The following ALDH16A1 variants were observed in gnomAD, a reference collection of about 807,000 sequenced individuals.
ALDH16A1 encodes the protein aldehyde dehydrogenase family 16 member A1.
In ALDH16A1, 88 loss-of-function variants were observed where a neutral mutation model predicts 96.1. The ratio of observed to expected loss-of-function variants is 0.92; its 90% CI spans 0.77 to 1.09. ALDH16A1 has a LOEUF of 1.09. ALDH16A1 is among the 50% of genes least tolerant of loss of function. ALDH16A1 has a pLI of 0.00. For missense variants in ALDH16A1, 1,250 were observed against 1,112.6 expected (o/e 1.12, Z -1.76); for synonymous variants, 522 against 496.4 (o/e 1.05, Z -0.69).
At position 49,468,346 on chromosome 19, in the gene ALDH16A1, C is replaced by T; in HGVS notation, c.1939-35C>T. On this transcript the variant is annotated intron_variant, in intron 14 of 16. Coordinates refer to ENST00000293350, the MANE Select transcript of ALDH16A1 (RefSeq NM_153329.4). The surrounding 1 kb of genome is among the most constrained non-coding windows in gnomAD (Gnocchi z 4.4). The stretch of plus-strand genomic sequence containing the variant: ...TCTCTCATTTACTGCGGGCGGGGCT[C>T]CCCTGCCCCACACGTGACCCACCTG... 1 of 1,588,536 alleles carries T rather than the reference C, an allele frequency of 6.3e-7. No individual in the cohort carries two copies. The highest frequency in any genetic ancestry group is 8.5e-7 in the Non-Finnish European group (1 of 1,173,588).
rs981267096 is a variant in ALDH16A1 at position 49,461,987 on chromosome 19, A to T, written c.863A>T (p.Asp288Val). 4.5e-6 allele frequency: 7 copies of T among 1,549,580 alleles called. No homozygotes were observed. The African/African-American group carries it at 8.2e-5, about 18-fold the overall frequency. Residue 288 changes from aspartate (D) to valine (V), a missense_variant, in exon 7 of 17, where the codon GAC becomes GTC. Asp to Val is a radical substitution (Grantham distance 152). Coordinates refer to ENST00000293350, the MANE Select transcript of ALDH16A1 (RefSeq NM_153329.4). Reference protein sequence around the residue: ...LLLLTDTADVDSAVEGVVDAA... With the variant: ...LLLLTDTADVVSAVEGVVDAA... ...CTGCTGACGGACACGGCGGACGTAG[A>T]CTCGGCCGTGGAGGGTGTCGTGGAC...
chr19:49,469,148 A>C (rs1029533241), intron 16 of ALDH16A1, 162 bp downstream of exon 16: 21 of 1,075,138 alleles, frequency 2.0e-5, no homozygotes, highest in Admixed American at 2.9e-5. Flanking sequence ...CAAGTTACTA[A>C]GGAAGAGGCT....
At position 49,453,423 on chromosome 19, in the gene ALDH16A1, T is replaced by C. The variant is rs1162898984; in HGVS notation, c.90+2T>C. The stretch of plus-strand genomic sequence containing the variant: ...CCGGAGAGCCACGCATGCGCACTGG[T>C]GAGAGTCTGCCCGGCCGGCGCTGCT... On this transcript the variant is annotated splice_donor_variant, in intron 1 of 16. Coordinates refer to ENST00000293350, the MANE Select transcript of ALDH16A1 (RefSeq NM_153329.4). LOFTEE classifies it high-confidence loss of function. 6.5e-7 allele frequency: 1 copy of C among 1,539,876 alleles called. No homozygotes were observed. Among genetic ancestry groups the C allele is most frequent in the Non-Finnish European group, 8.8e-7 (1 of 1,142,226 alleles).
intron 10 of ALDH16A1, 40 bp from the exon 11 acceptor site, chr19:49,464,377 G>C (rs375627359): frequency 1.9e-6 from 3 of 1,568,616 alleles, no homozygotes; most frequent in Non-Finnish European, 2.6e-6. Flanking sequence ...GCCTGCCACC[G>C]TCTGTTTTCC....
intron 16 of ALDH16A1, 139 bp from the exon 17 acceptor site, chr19:49,470,166 TG>T: frequency 1.0e-6 from 1 of 1,002,242 alleles, no homozygotes; most frequent in South Asian, 1.6e-5. Context: ...AAGTTCTGCT[TG>T]GGAGGAGCTG....
At chr19:49,467,611 GTCTCGA>G (rs2079209740) in intron 14 of ALDH16A1, among the ~76,000 whole-genome samples, 1 of 147,076 alleles carries the variant, frequency 6.8e-6, no homozygotes, top group Non-Finnish European at 1.5e-5. Flanking sequence ...TGTTAGGATG[GTCTCGA>G]TCTCCTGACC....
chr19:49,454,444 C>T (rs2079093054), intron 1 of ALDH16A1, among the ~76,000 whole-genome samples: 1 of 152,038 alleles, frequency 6.6e-6, no homozygotes, highest in Admixed American at 6.5e-5. Context: ...CCCCTGAAGT[C>T]CTCGTGAGGG....
chr19:49,466,370 C>G (rs1011079554), intron 14 of ALDH16A1, 87 bp downstream of exon 14: 1 of 1,336,380 alleles, frequency 7.5e-7, no homozygotes, highest in East Asian at 2.7e-5. Context: ...GCTTGGAATT[C>G]GGGCCCAGCC....
chr19:49,468,576 C>G lies in ALDH16A1; in HGVS notation c.2124+10C>G. 2 of 1,600,744 alleles carry G rather than the reference C, an allele frequency of 1.2e-6. No individual in the cohort carries two copies. The highest frequency in any genetic ancestry group is 1.7e-6 in the Non-Finnish European group (2 of 1,178,492). ...CCTGGAGGTCTGCCAGGTATAGCCC[C>G]CTGCCTTCCTGCCTCTCCTCCCCGT... On this transcript the variant is annotated intron_variant, in intron 15 of 16. Transcript: ENST00000293350. The surrounding 1 kb of genome is among the most constrained non-coding windows in gnomAD (Gnocchi z 4.4).
rs1456151578 is a variant in ALDH16A1 at position 49,462,817 on chromosome 19, TG to T, written c.1098+65del. The stretch of plus-strand genomic sequence containing the variant: ...AGGAGGGGCCTGGAGACCCAGCTCC[TG>T]GGTCCAAGGGAGGAGGGAGCTGGGC... On this transcript the variant is annotated intron_variant, in intron 8 of 16. Transcript: ENST00000293350. 4 of 1,445,472 alleles carry T rather than the reference TG, an allele frequency of 2.8e-6. No homozygotes were observed. The African/African-American group carries it at 4.4e-5, about 16-fold the overall frequency. The allele number at this position is 1,445,472 out of a possible 1,614,324, so 89.5% of individuals were successfully genotyped here. A position where few individuals can be genotyped will look rare whatever the true frequency, so the allele number is the denominator to read the frequency against.
rs1317929940 is a variant in ALDH16A1 at position 49,470,526 on chromosome 19, C to T, written c.*59C>T. 2.1e-6 allele frequency: 3 copies of T among 1,439,604 alleles called. No homozygotes were observed. Among genetic ancestry groups the T allele is most frequent in the South Asian group, 1.5e-5 (1 of 68,678 alleles). The allele number at this position is 1,439,604 out of a possible 1,614,324, so 89.2% of individuals were successfully genotyped here. A position where few individuals can be genotyped will look rare whatever the true frequency, so the allele number is the denominator to read the frequency against. On this transcript the variant is annotated 3_prime_UTR_variant, in exon 17 of 17. Transcript: ENST00000293350. ...TCACACCAAGGGGAGATGCACCCCA[C>T]AGACACCTGGGACTTTCCCCTTCTG...
chr19:49,453,505 T>C, intron 1 of ALDH16A1, 84 bp downstream of exon 1: 1 of 1,284,466 alleles, frequency 7.8e-7, no homozygotes, highest in Non-Finnish European at 1.1e-6. Flanking sequence ...CGTCATCCAC[T>C]GCGGTAGCTC....
chr19:49,459,635 G>A lies in ALDH16A1; in HGVS notation c.321-35G>A, dbSNP rs62128062. The stretch of plus-strand genomic sequence containing the variant: ...CCAGGACTCTGCAAGGCTGAGGGCC[G>A]TTGGAAAATGAGCACCCTCTTGCTT... On this transcript the variant is annotated intron_variant, in intron 3 of 16. Transcript: ENST00000293350. The surrounding 1 kb of genome is among the most constrained non-coding windows in gnomAD (Gnocchi z 4.1). 474,127 of 1,573,552 alleles carry A rather than the reference G, an allele frequency of 0.3. 76,712 individuals carry two copies. The highest frequency in any genetic ancestry group is 0.34 in the Non-Finnish European group (392,592 of 1,160,202).
In ALDH16A1 at chr19:49,470,795, TGCACCA is replaced by T; in HGVS notation, c.*329_*334del. On this transcript the variant is annotated 3_prime_UTR_variant, in exon 17 of 17. Transcript: ENST00000293350. Reference sequence around the variant, plus strand: ...TCATATGTAGCTGGGGCCACAGACATGCACCACCACACCTGGCTCGAGGCCATTTTA... The same window carrying T: ...TCATATGTAGCTGGGGCCACAGACATCCACACCTGGCTCGAGGCCATTTTA... 2 of 215,978 alleles carry T rather than the reference TGCACCA, an allele frequency of 9.3e-6. No individual in the cohort carries two copies. The highest frequency in any genetic ancestry group is 1.3e-4 in the South Asian group (1 of 7,960). 13.4% of individuals were successfully genotyped at this position (215,978 alleles called of 1,614,324 possible).
chr19:49,458,671 T>TA, intron 2 of ALDH16A1, 83 bp downstream of exon 2: 1 of 1,425,042 alleles, frequency 7.0e-7, no homozygotes, highest in Admixed American at 2.0e-5. Context: ...TCCCCTTGCC[T>TA]AGGGCCCTGA....
chr19:49,456,005 A>C (rs1052850375), intron 1 of ALDH16A1, among the ~76,000 whole-genome samples: 1 of 152,236 alleles, frequency 6.6e-6, no homozygotes, highest in African/African-American at 2.4e-5. Flanking sequence ...GACAAAAGTC[A>C]TCTGGGACCA....
rs1440268337 is a variant in ALDH16A1, at chr19:49,470,367, G to A, written c.2309G>A (p.Gly770Asp). 4 of 1,613,130 alleles carry A rather than the reference G, an allele frequency of 2.5e-6. No homozygotes were observed. The highest frequency in any genetic ancestry group is 3.4e-6 in the Non-Finnish European group (4 of 1,179,778). Reference sequence around the variant, plus strand: ...CTCAAACCGGTGTGGGCGAGCAGGGGCTGCCCGCGGGCCTGGGACCAGGAG... The same window carrying A: ...CTCAAACCGGTGTGGGCGAGCAGGGACTGCCCGCGGGCCTGGGACCAGGAG... Reference protein sequence around the residue: ...GNLKPVWASRGCPRAWDQEAE... With the variant: ...GNLKPVWASRDCPRAWDQEAE... The change falls in exon 17 of 17, where the codon GGC becomes GAC. Residue 770 changes from glycine (G) to aspartate (D), a missense_variant. By Grantham distance (94) the Gly-to-Asp change is moderately conservative (BLOSUM62 -1). Transcript: ENST00000293350.
At chr19:49,453,446 G>A (rs748275500) in intron 1 of ALDH16A1, 25 bp downstream of exon 1, 39 of 1,509,624 alleles carry the variant, frequency 2.6e-5, no homozygotes, top group Non-Finnish European at 3.2e-5. Context: ...GGCCGGCGCT[G>A]CTCGCTGCGT....
In ALDH16A1 at chr19:49,468,159, C is replaced by CA. The variant is rs138585582; in HGVS notation, c.1939-207dup. On this transcript the variant is annotated intron_variant, in intron 14 of 16. Transcript: ENST00000293350. The surrounding 1 kb of genome is among the most constrained non-coding windows in gnomAD (Gnocchi z 4.4). ...AGGGCGACAGAGTGAGAGTCCGTCT[C>CA]AAAAAAAAAAAAAAAGAAAGGCGGT... 0.38 allele frequency: 154,792 copies of CA among 407,768 alleles called. 16,036 individuals carry two copies. Among genetic ancestry groups the CA allele is most frequent in the African/African-American group, 0.6 (24,694 of 41,104 alleles). 25.3% of individuals were successfully genotyped at this position (407,768 alleles called of 1,614,324 possible). A position where few individuals can be genotyped will look rare whatever the true frequency, so the allele number is the denominator to read the frequency against.
Sources: gnomAD v4.1 joint callset for allele counts (sites outside exome capture counted in the v4.1 genomes callset) on GRCh38, gnomAD v4.1.1 for gene constraint, Gnocchi (gnomAD v3.1) non-coding constraint, MANE v1.5 for transcripts, NCBI Gene and HGNC (gene_info 2026-07-23, HGNC 2026-07-21) for gene names.